OPCML: variants seen among roughly 807,000 people sequenced by gnomAD.
OPCML encodes opioid-binding protein/cell adhesion molecule.
OPCML carries 13 observed loss-of-function variants against 37.8 expected under a neutral mutation model. The ratio of observed to expected loss-of-function variants is 0.34; its 90% CI spans 0.22 to 0.55. The LOEUF (loss-of-function observed/expected upper bound fraction) is 0.55, where lower values mean the gene tolerates loss of function less well. Ranked by LOEUF, OPCML falls within the 20% of genes least tolerant of loss-of-function variation. The pLI, the probability that OPCML is intolerant of heterozygous loss-of-function variation, is 0.91. For missense variants in OPCML, 341 were observed against 435.6 expected (o/e 0.78, Z 1.93); for synonymous variants, 176 against 168.8 (o/e 1.04, Z -0.33).
At chr11:132,766,596 A>G (rs1397175850) in intron 2 of OPCML, among the ~76,000 whole-genome samples, 1 of 152,064 alleles carries the variant, frequency 6.6e-6, no homozygotes, top group Non-Finnish European at 1.5e-5. Context: ...CCCATCATCA[A>G]TTGTCCACCC....
chr11:132,685,671 T>TC (rs1591724859), intron 2 of OPCML, among the ~76,000 whole-genome samples: 1 of 152,080 alleles, frequency 6.6e-6, no homozygotes, highest in Non-Finnish European at 1.5e-5. Context: ...GTTAACACAC[T>TC]CCCCCCATCT....
rs151121607 is a variant in OPCML, at chr11:132,900,707, T to A, written c.146+42219A>T. Among the ~76,000 whole-genome samples, 1,031 of 152,260 alleles carry A rather than the reference T, an allele frequency of 6.8e-3. 5 individuals carry two copies. The highest frequency in any genetic ancestry group is 0.018 in the South Asian group (87 of 4,808). Reference sequence around the variant, plus strand: ...GCCCTATGGGCTCTGCACATTCTGTTCCTTCTCTATGAAACCCTCCCTAGC... The same window carrying A: ...GCCCTATGGGCTCTGCACATTCTGTACCTTCTCTATGAAACCCTCCCTAGC... On this transcript the variant is annotated intron_variant, in intron 2 of 7. Transcript: ENST00000524381.
At chr11:132,472,651 C>A (rs2096141679) in intron 4 of OPCML, among the ~76,000 whole-genome samples, 1 of 152,190 alleles carries the variant, frequency 6.6e-6, no homozygotes, top group South Asian at 2.1e-4. Flanking sequence ...TTGGCCAGGG[C>A]TTCAGATAAA....
intron 1 of OPCML, among the ~76,000 whole-genome samples, chr11:133,154,954 G>C (rs1005165979): frequency 6.6e-6 from 1 of 152,144 alleles, no homozygotes; most frequent in Non-Finnish European, 1.5e-5. Context: ...CCAGAAGAGT[G>C]ATACAAGATG....
intron 1 of OPCML, among the ~76,000 whole-genome samples, chr11:133,269,823 A>T (rs1941773260): frequency 6.6e-6 from 1 of 152,152 alleles, no homozygotes; most frequent in Admixed American, 6.6e-5. Context: ...TTTACTGCAG[A>T]AGAGAGTATT....
chr11:133,468,168 T>C (rs1947018807), intron 1 of OPCML, among the ~76,000 whole-genome samples: 1 of 152,194 alleles, frequency 6.6e-6, no homozygotes, highest in African/African-American at 2.4e-5. Context: ...TCCTTGCCTT[T>C]CATTGATGGC....
intron 1 of OPCML, among the ~76,000 whole-genome samples, chr11:133,263,098 G>A (rs548086062): frequency 3.1e-4 from 47 of 151,964 alleles, no homozygotes; most frequent in Admixed American, 5.2e-4. Flanking sequence ...ACTGTGGCTC[G>A]GACATTTACC....
At chr11:132,866,361 C>T (rs908719168) in intron 2 of OPCML, among the ~76,000 whole-genome samples, 1 of 152,196 alleles carries the variant, frequency 6.6e-6, no homozygotes, top group South Asian at 2.1e-4. Context: ...ACTTGTGATC[C>T]TATTAAGCTG....
intron 1 of OPCML, among the ~76,000 whole-genome samples, chr11:133,152,266 C>T (rs767820622): frequency 3.9e-5 from 6 of 152,146 alleles, no homozygotes; most frequent in African/African-American, 1.2e-4. Context: ...CTCAGCTCCC[C>T]GAAGAAAGCG....
intron 4 of OPCML, among the ~76,000 whole-genome samples, chr11:132,478,811 C>T (rs2096166765): frequency 6.6e-6 from 1 of 152,088 alleles, no homozygotes; most frequent in African/African-American, 2.4e-5. Flanking sequence ...CTTCAAGAGG[C>T]TGAAGAAAGG....
At chr11:133,053,599 G>A (rs1488940065) in intron 1 of OPCML, among the ~76,000 whole-genome samples, 2 of 152,152 alleles carry the variant, frequency 1.3e-5, no homozygotes, top group African/African-American at 4.8e-5. Context: ...ATTCTATTCA[G>A]TGCCTTTTAG....
intron 1 of OPCML, among the ~76,000 whole-genome samples, chr11:133,070,202 G>A (rs980681922): frequency 5.3e-5 from 8 of 152,132 alleles, no homozygotes; most frequent in Non-Finnish European, 1.0e-4. Flanking sequence ...ACGGGAAAAG[G>A]CAGCTTCTCA....
At chr11:133,171,898 G>A (rs913294167) in intron 1 of OPCML, among the ~76,000 whole-genome samples, 3 of 152,154 alleles carry the variant, frequency 2.0e-5, no homozygotes, top group Admixed American at 2.0e-4. Context: ...TGGAACCTAG[G>A]TACTGCAAGT....
At chr11:132,931,781 C>T (rs1945211559) in intron 2 of OPCML, among the ~76,000 whole-genome samples, 1 of 152,112 alleles carries the variant, frequency 6.6e-6, no homozygotes, top group South Asian at 2.1e-4. Context: ...ATACAATTAC[C>T]ATGCAATCCA....
chr11:133,402,230 G>A (rs1945419413), intron 1 of OPCML, among the ~76,000 whole-genome samples: 1 of 151,414 alleles, frequency 6.6e-6, no homozygotes, highest in Non-Finnish European at 1.5e-5. Context: ...GAAAGCAAGA[G>A]TTTCCTGAAC....
chr11:132,750,467 G>A (rs1204333059), intron 2 of OPCML, among the ~76,000 whole-genome samples: 1 of 152,100 alleles, frequency 6.6e-6, no homozygotes, highest in African/African-American at 2.4e-5. Context: ...TCCAAATAAA[G>A]GAAGGAAACA....
At chr11:132,974,751 C>T (rs74432238) in intron 1 of OPCML, among the ~76,000 whole-genome samples, 2,187 of 152,134 alleles carry the variant, frequency 0.014, 66 homozygotes, top group African/African-American at 0.051. Context: ...TTCAACTTCT[C>T]GAGACTTCTC....
At chr11:133,330,830 TATA>T (rs1943602558) in intron 1 of OPCML, among the ~76,000 whole-genome samples, 1 of 152,146 alleles carries the variant, frequency 6.6e-6, no homozygotes. Flanking sequence ...AAACTTAAAG[TATA>T]ATAATAATAA....
chr11:132,449,154 T>C lies in OPCML; in HGVS notation c.506-11795A>G, dbSNP rs2096062578. ...TCCACACACAAAAATAGAGACACCA[T>C]GACAATTTCAAGGTAGCTCTCATCT... On this transcript the variant is annotated intron_variant, in intron 4 of 7. Transcript: ENST00000524381. Among the ~76,000 whole-genome samples, 2 of 152,192 alleles carry C rather than the reference T, an allele frequency of 1.3e-5. 1 individual carries two copies. Among genetic ancestry groups the C allele is most frequent in the Admixed American group, 1.3e-4 (2 of 15,286 alleles).
Sources: allele counts gnomAD v4.1 joint callset (sites outside exome capture counted in the v4.1 genomes callset), GRCh38; gene constraint gnomAD v4.1.1; transcripts MANE v1.5; gene names NCBI Gene and HGNC (gene_info 2026-07-23, HGNC 2026-07-21).